Variants in NPAS3 observed in about 807,000 individuals in gnomAD.
NPAS3 encodes neuronal PAS domain-containing protein 3.
A neutral mutation model predicts 73.1 loss-of-function variants in NPAS3; 14 were observed. The observed-to-expected ratio is 0.19, with a 90% CI of 0.13 to 0.30. The LOEUF (loss-of-function observed/expected upper bound fraction) is 0.30, where lower values mean the gene tolerates loss of function less well. Ranked by LOEUF, NPAS3 falls within the 10% of genes least tolerant of loss-of-function variation. The pLI is 1.00. For synonymous variants in NPAS3, 620 were observed against 541.5 expected, an observed-to-expected ratio of 1.14 and a Z score of -2.01; for missense variants, 1,096 against 1,250.0, an observed-to-expected ratio of 0.88 and a Z score of 1.86.
At chr14:33,582,090 T>C (rs2056688007) in intron 5 of NPAS3, 1 of 152,204 alleles carries the variant, frequency 6.6e-6, no homozygotes, top group African/African-American at 2.4e-5. Context: ...AGGATAAATT[T>C]CCAGAAATGA....
chr14:33,649,286 C>G (rs979760435), intron 5 of NPAS3, among the ~76,000 whole-genome samples: 1 of 152,184 alleles, frequency 6.6e-6, no homozygotes. Flanking sequence ...CAGCAGCTGG[C>G]CAGATGTCTT....
intron 3 of NPAS3, among the ~76,000 whole-genome samples, chr14:33,238,174 TCA>T (rs1216797149): frequency 4.6e-5 from 7 of 151,966 alleles, no homozygotes; most frequent in African/African-American, 1.4e-4. Context: ...TCCAAAGAAG[TCA>T]CTAAGATCGT....
At chr14:33,252,061 G>C (rs1281349200) in intron 3 of NPAS3, among the ~76,000 whole-genome samples, 1 of 75,002 alleles carries the variant, frequency 1.3e-5, no homozygotes, top group Admixed American at 1.2e-4. Flanking sequence ...GTGTGTCTGT[G>C]TGTGTGTGTG....
At chr14:33,133,797 T>C (rs112891972) in intron 2 of NPAS3, among the ~76,000 whole-genome samples, 2,688 of 152,248 alleles carry the variant, frequency 0.018, 36 homozygotes, top group Non-Finnish European at 0.029. Flanking sequence ...AAGCTGCTTC[T>C]TGGTGACATG....
chr14:33,488,329 C>T (rs375188216), intron 4 of NPAS3, among the ~76,000 whole-genome samples: 14 of 151,852 alleles, frequency 9.2e-5, no homozygotes, highest in African/African-American at 3.1e-4. Context: ...AGATGGGCCA[C>T]CAAGAGTCTT....
At chr14:33,273,340 C>T (rs1012435835) in intron 3 of NPAS3, among the ~76,000 whole-genome samples, 29 of 152,190 alleles carry the variant, frequency 1.9e-4, no homozygotes, top group African/African-American at 6.8e-4. Context: ...TAGGTCTCTT[C>T]TGTTCTCAGT....
At chr14:33,292,240 C>T (rs984957459) in intron 3 of NPAS3, among the ~76,000 whole-genome samples, 8 of 152,154 alleles carry the variant, frequency 5.3e-5, no homozygotes, top group African/African-American at 1.9e-4. Context: ...ACCAATAAAA[C>T]ATGGCTCCCT....
At chr14:33,125,155 A>C (rs1347071889) in intron 2 of NPAS3, among the ~76,000 whole-genome samples, 1 of 152,108 alleles carries the variant, frequency 6.6e-6, no homozygotes, top group African/African-American at 2.4e-5. Flanking sequence ...TTTGCTTGGC[A>C]TGTAATGGGT....
chr14:33,703,850 A>G (rs1221325810), intron 6 of NPAS3, among the ~76,000 whole-genome samples: 1 of 152,208 alleles, frequency 6.6e-6, no homozygotes, highest in East Asian at 1.9e-4. Context: ...TCTCAAGATC[A>G]CACACCAGTA....
intron 2 of NPAS3, among the ~76,000 whole-genome samples, chr14:33,089,370 G>A (rs1461572484): frequency 6.6e-6 from 1 of 152,190 alleles, no homozygotes; most frequent in Non-Finnish European, 1.5e-5. Context: ...CTCAGTAGCT[G>A]ATTCAATCAA....
At chr14:33,426,684 G>T (rs1192583051) in intron 4 of NPAS3, among the ~76,000 whole-genome samples, 4 of 151,870 alleles carry the variant, frequency 2.6e-5, no homozygotes, top group Non-Finnish European at 5.9e-5. Context: ...TACAGGGGAG[G>T]GTTAGTCTAT....
At chr14:33,466,678 G>A (rs1186625556) in intron 4 of NPAS3, among the ~76,000 whole-genome samples, 1 of 152,128 alleles carries the variant, frequency 6.6e-6, no homozygotes, top group South Asian at 2.1e-4. Flanking sequence ...TTACAATCGT[G>A]GTGGAAGGCA....
chr14:33,584,927 G>A (rs574065395), intron 5 of NPAS3, among the ~76,000 whole-genome samples: 1 of 152,316 alleles, frequency 6.6e-6, no homozygotes, highest in East Asian at 1.9e-4. Context: ...ACCTTGGGTT[G>A]ATGTAACTTG....
chr14:33,115,903 A>C (rs1033806295), intron 2 of NPAS3, among the ~76,000 whole-genome samples: 2 of 152,122 alleles, frequency 1.3e-5, no homozygotes, highest in African/African-American at 4.8e-5. Flanking sequence ...ATTAAAGTCT[A>C]TTTTATAGAC....
At chr14:33,081,967 G>T (rs76368936) in intron 2 of NPAS3, among the ~76,000 whole-genome samples, 1 of 152,188 alleles carries the variant, frequency 6.6e-6, no homozygotes, top group African/African-American at 2.4e-5. Context: ...AACGTGCAAT[G>T]ATTTCTCTTT....
intron 5 of NPAS3, among the ~76,000 whole-genome samples, chr14:33,627,840 G>T (rs1350897864): frequency 1.3e-5 from 2 of 152,198 alleles, no homozygotes; most frequent in African/African-American, 4.8e-5. Context: ...CAGAGATGCT[G>T]ATGAATTGGC....
At chr14:33,160,934 T>C (rs764054357) in intron 2 of NPAS3, among the ~76,000 whole-genome samples, 6 of 152,236 alleles carry the variant, frequency 3.9e-5, no homozygotes, top group Admixed American at 1.3e-4. Context: ...CTGGTCTTCA[T>C]TGTAGCACAT....
chr14:33,710,281 A>T (rs1214078404), intron 6 of NPAS3, among the ~76,000 whole-genome samples: 2 of 152,218 alleles, frequency 1.3e-5, no homozygotes, highest in Non-Finnish European at 2.9e-5. Flanking sequence ...TTTTAGATCT[A>T]GAATAGAGCC....
At chr14:33,341,990 C>T (rs900955708) in intron 3 of NPAS3, among the ~76,000 whole-genome samples, 4 of 152,208 alleles carry the variant, frequency 2.6e-5, no homozygotes, top group Non-Finnish European at 5.9e-5. Context: ...TTCCGTACCT[C>T]ATCACGATGC....
Sources: allele counts gnomAD v4.1 joint callset (sites outside exome capture counted in the v4.1 genomes callset), GRCh38; gene constraint gnomAD v4.1.1; transcripts MANE v1.5; gene names NCBI Gene and HGNC (gene_info 2026-07-23, HGNC 2026-07-21).